STRN3: variants seen among roughly 807,000 people sequenced by gnomAD.
STRN3 encodes striatin-3.
Under a neutral mutation model 95.6 loss-of-function variants are expected in STRN3, and 29 were observed. That is an observed-to-expected ratio of 0.30 (90% CI 0.23 to 0.41). The LOEUF is 0.41. STRN3 is among the 10% of genes least tolerant of loss of function. The pLI is 1.00. For synonymous variants in STRN3, 331 were observed against 357.6 expected, an observed-to-expected ratio of 0.93 and a Z score of 0.84; for missense variants, 890 against 972.1, an observed-to-expected ratio of 0.92 and a Z score of 1.12.
intron 5 of STRN3, among the ~76,000 whole-genome samples, chr14:30,939,368 T>C (rs1390936751): frequency 6.6e-6 from 1 of 152,130 alleles, no homozygotes; most frequent in Non-Finnish European, 1.5e-5. Context: ...CACAAACTTA[T>C]AAGAATGACT....
chr14:30,944,502 AC>A (rs978069776), intron 5 of STRN3, among the ~76,000 whole-genome samples: 116 of 148,638 alleles, frequency 7.8e-4, no homozygotes, highest in South Asian at 1.9e-3. Context: ...ACATATATAT[AC>A]ATGTATATAT....
chr14:30,902,214 A>G (rs1163997476), intron 16 of STRN3, among the ~76,000 whole-genome samples: 1 of 147,978 alleles, frequency 6.8e-6, no homozygotes, highest in Non-Finnish European at 1.5e-5. Context: ...AAAAATGGAA[A>G]TGCCAAACAC....
At chr14:30,980,303 G>C (rs990347977) in intron 1 of STRN3, among the ~76,000 whole-genome samples, 1 of 152,070 alleles carries the variant, frequency 6.6e-6, no homozygotes, top group Non-Finnish European at 1.5e-5. Flanking sequence ...TTTTTTAACT[G>C]CAAGACCACT....
At chr14:30,926,557 T>C (rs367618885) in intron 8 of STRN3, among the ~76,000 whole-genome samples, 3 of 151,832 alleles carry the variant, frequency 2.0e-5, no homozygotes, top group East Asian at 3.8e-4. Flanking sequence ...ATAATACTTC[T>C]TATAATTACT....
chr14:30,909,394 A>AGGAGGGTGGCTTGG (rs71112351), intron 13 of STRN3, among the ~76,000 whole-genome samples: 1 of 152,178 alleles, frequency 6.6e-6, no homozygotes. Flanking sequence ...CCAGCTCCTC[A>AGGAGGGTGGCTTGG]GCCTGGGAGG....
At chr14:30,901,634 C>T (rs1438439328) in intron 16 of STRN3, among the ~76,000 whole-genome samples, 1 of 152,112 alleles carries the variant, frequency 6.6e-6, no homozygotes, top group African/African-American at 2.4e-5. Context: ...AGCTGTCAGA[C>T]CTTTCCTGAA....
At chr14:30,939,935 G>C (rs1879012717) in intron 5 of STRN3, among the ~76,000 whole-genome samples, 1 of 151,904 alleles carries the variant, frequency 6.6e-6, no homozygotes, top group South Asian at 2.1e-4. Flanking sequence ...TGGTTACACT[G>C]TAAGTACATA....
intron 1 of STRN3, among the ~76,000 whole-genome samples, chr14:30,960,800 C>T (rs909685510): frequency 1.5e-5 from 2 of 133,640 alleles, no homozygotes; most frequent in African/African-American, 2.8e-5. Context: ...ACCCGAGAGG[C>T]GGAGCTTGCA....
At chr14:30,927,102 G>A (rs1176772658) in intron 8 of STRN3, among the ~76,000 whole-genome samples, 1 of 151,910 alleles carries the variant, frequency 6.6e-6, no homozygotes, top group Non-Finnish European at 1.5e-5. Flanking sequence ...CCAAGAGTTC[G>A]AGACCAGCTT....
intron 16 of STRN3, among the ~76,000 whole-genome samples, chr14:30,900,118 G>A (rs1896264810): frequency 6.6e-6 from 1 of 152,130 alleles, no homozygotes. Context: ...AGCACTTTGG[G>A]AGGCCAAGGT....
intron 5 of STRN3, among the ~76,000 whole-genome samples, chr14:30,946,079 G>A (rs546539626): frequency 2.0e-5 from 3 of 152,084 alleles, no homozygotes; most frequent in Non-Finnish European, 2.9e-5. Context: ...TTTCTTTCAC[G>A]CTAGGGTCTA....
At chr14:30,900,905 GC>G (rs1896297201) in intron 16 of STRN3, among the ~76,000 whole-genome samples, 1 of 152,084 alleles carries the variant, frequency 6.6e-6, no homozygotes, top group South Asian at 2.1e-4. Flanking sequence ...TATTGAGTAA[GC>G]TTTTACTGAC....
intron 1 of STRN3, among the ~76,000 whole-genome samples, chr14:31,004,067 T>C (rs1882602518): frequency 6.6e-6 from 1 of 151,916 alleles, no homozygotes; most frequent in Non-Finnish European, 1.5e-5. Flanking sequence ...GCATATTACT[T>C]GAGCCCAAGC....
At chr14:30,950,233 A>C (rs1327681362) in intron 4 of STRN3, among the ~76,000 whole-genome samples, 1 of 152,220 alleles carries the variant, frequency 6.6e-6, no homozygotes, top group African/African-American at 2.4e-5. Flanking sequence ...ATGACTGTCC[A>C]GACTATGAAA....
chr14:31,025,829 G>C lies in STRN3; in HGVS notation c.282+75C>G, dbSNP rs1440217928. 5.2e-6 allele frequency: 8 copies of C among 1,537,710 alleles called. No individual in the cohort carries two copies. In the South Asian group the frequency reaches 7.2e-5, roughly 14 times the overall value. On this transcript the variant is annotated intron_variant, in intron 1 of 17. Coordinates refer to ENST00000357479, the MANE Select transcript of STRN3 (RefSeq NM_001083893.2). ...CTCCCAAGGCGCCGGCTCCGGCTGA[G>C]TGGAGTCCCCAGCCCCACCCCCCGG...
intron 1 of STRN3, among the ~76,000 whole-genome samples, chr14:30,997,399 T>C (rs1882252954): frequency 1.3e-5 from 2 of 152,126 alleles, no homozygotes; most frequent in Non-Finnish European, 2.9e-5. Flanking sequence ...GTAGGCAATA[T>C]TCCTCTGCCT....
chr14:30,934,678 A>G (rs886646737), intron 7 of STRN3, among the ~76,000 whole-genome samples: 2 of 152,178 alleles, frequency 1.3e-5, no homozygotes, highest in African/African-American at 2.4e-5. Context: ...ATATAGAGCT[A>G]TAATTCAGGA....
chr14:31,023,942 C>T (rs1228019261), intron 1 of STRN3, among the ~76,000 whole-genome samples: 3 of 150,106 alleles, frequency 2.0e-5, no homozygotes, highest in Non-Finnish European at 4.4e-5. Flanking sequence ...AGGAAACAAA[C>T]AAAAACTTAG....
chr14:31,013,591 A>C (rs1032304733), intron 1 of STRN3, among the ~76,000 whole-genome samples: 6 of 151,930 alleles, frequency 3.9e-5, no homozygotes, highest in Non-Finnish European at 8.8e-5. Context: ...ACCACATATT[A>C]CTTATTCAAA....
Sources: allele counts gnomAD v4.1 joint callset (sites outside exome capture counted in the v4.1 genomes callset), GRCh38; gene constraint gnomAD v4.1.1; transcripts MANE v1.5; gene names NCBI Gene and HGNC (gene_info 2026-07-23, HGNC 2026-07-21).